SLC25A16: variants seen among roughly 807,000 people sequenced by gnomAD.
SLC25A16 encodes the protein solute carrier family 25 member 16, also known as mitochondrial coenzyme A transporter SLC25A16.
Under a neutral mutation model 41.5 loss-of-function variants are expected in SLC25A16, and 39 were observed. The ratio of observed to expected loss-of-function variants is 0.94; its 90% confidence interval spans 0.73 to 1.23. SLC25A16 has a LOEUF of 1.23. Among genes scored for constraint, SLC25A16 ranks in the 50% most tolerant of loss-of-function variants. The pLI is 0.00. For synonymous variants in SLC25A16, 146 were observed against 147.8 expected (o/e 0.99, Z 0.09); for missense variants, 421 against 426.9 (o/e 0.99, Z 0.12).
intron 2 of SLC25A16, 94 bp downstream of exon 2, chr10:68,516,656 AC>A: frequency 2.5e-6 from 2 of 784,528 alleles, no homozygotes. Flanking sequence ...AGGAACCTCT[AC>A]TTTACTTTTT....
Position 68,503,659 on chromosome 10 carries a change from G to A in SLC25A16, c.394C>T (p.His132Tyr), listed in dbSNP as rs776778829. 2 of 1,606,092 alleles carry A rather than the reference G, an allele frequency of 1.2e-6. No individual in the cohort carries two copies. The highest frequency in any genetic ancestry group is 2.2e-5 in the South Asian group (2 of 90,232). The change falls in exon 4 of 9, where the codon CAC becomes TAC. Residue 132 changes from histidine to tyrosine, a missense_variant. By Grantham distance (83) the His-to-Tyr change is moderately conservative. Transcript: ENST00000609923. ...TTKLGISGHV[H>Y]RLMAGSMAGM... ...GCCATGGATCCAGCCATTAATCTGT[G>A]CACATGACCTGAAATTCCCAGCTTC...
At chr10:68,489,236 T>C (rs2052617053) in intron 6 of SLC25A16, among the ~76,000 whole-genome samples, 1 of 152,118 alleles carries the variant, frequency 6.6e-6, no homozygotes, top group African/African-American at 2.4e-5. Context: ...GCCATTGCAC[T>C]CCAGCCTGGG....
chr10:68,508,884 C>T (rs1353310508), intron 2 of SLC25A16, among the ~76,000 whole-genome samples: 5 of 152,112 alleles, frequency 3.3e-5, no homozygotes, highest in East Asian at 3.9e-4. Context: ...GTAGAAGTAT[C>T]GAGGGGGTTT....
chr10:68,526,691 A>G (rs189585170), intron 1 of SLC25A16, among the ~76,000 whole-genome samples: 8 of 152,318 alleles, frequency 5.3e-5, no homozygotes, highest in Admixed American at 4.6e-4. Context: ...GGAAATTCCT[A>G]AGAGACAATA....
intron 1 of SLC25A16, among the ~76,000 whole-genome samples, chr10:68,525,752 G>A (rs1196882561): frequency 6.6e-6 from 1 of 152,260 alleles, no homozygotes; most frequent in East Asian, 1.9e-4. Context: ...ATTTTGTTCT[G>A]TACTAAGAAA....
At chr10:68,508,718 CA>C (rs201783612) in intron 2 of SLC25A16, among the ~76,000 whole-genome samples, 5 of 145,976 alleles carry the variant, frequency 3.4e-5, no homozygotes, top group Admixed American at 6.9e-5. Context: ...AACTCCATCT[CA>C]AAAAAAAAAG....
intron 8 of SLC25A16, among the ~76,000 whole-genome samples, chr10:68,486,888 C>T (rs1232145263): frequency 7.4e-6 from 1 of 134,336 alleles, no homozygotes. Flanking sequence ...ACCCAGGAGG[C>T]GGAGGTTACA....
chr10:68,493,012 C>G (rs1301082461), intron 6 of SLC25A16, 120 bp downstream of exon 6: 1 of 661,040 alleles, frequency 1.5e-6, no homozygotes, highest in African/African-American at 1.9e-5. Flanking sequence ...ATCCATAAAT[C>G]ATTTCTTATT....
In SLC25A16 at chr10:68,487,080, C is replaced by T. The variant is rs578117172; in HGVS notation, c.842+64G>A. On this transcript the variant is annotated intron_variant, in intron 8 of 8. Transcript: ENST00000609923. Reference sequence around the variant, plus strand: ...ACTATTGGTCAAACTAGAGTCCTATCTCCTTACTGAGTTTAATGTTACATT... The same window carrying T: ...ACTATTGGTCAAACTAGAGTCCTATTTCCTTACTGAGTTTAATGTTACATT... 7 of 1,237,096 alleles carry T rather than the reference C, an allele frequency of 5.7e-6. No homozygotes were observed. The South Asian group carries it at 8.5e-5, about 15-fold the overall frequency. The allele number at this position is 1,237,096 out of a possible 1,614,324, so 76.6% of individuals were successfully genotyped here.
chr10:68,488,042 G>A (rs569553918), intron 7 of SLC25A16, among the ~76,000 whole-genome samples: 2 of 152,158 alleles, frequency 1.3e-5, no homozygotes, highest in Admixed American at 1.3e-4. Context: ...TAGTAAAGAC[G>A]GGTTTTCACC....
chr10:68,520,963 G>A (rs533218590), intron 1 of SLC25A16, among the ~76,000 whole-genome samples: 5 of 149,478 alleles, frequency 3.3e-5, no homozygotes, highest in East Asian at 2.0e-4. Flanking sequence ...GTGAAACCCC[G>A]TCTCCACTAA....
At position 68,521,889 on chromosome 10, in the gene SLC25A16, G is replaced by A. The variant is rs1388131832; in HGVS notation, c.131-5046C>T. On this transcript the variant is annotated intron_variant, in intron 1 of 8. Transcript: ENST00000609923. ...TGGGATTACAGGCGTGAGCCACCGC[G>A]CCCGGCCATGCCTGTAATCTTAACA... 3.3e-5 allele frequency among the ~76,000 whole-genome samples: 5 copies of A among 151,180 alleles called. 1 individual carries two copies. Among genetic ancestry groups the A allele is most frequent in the African/African-American group, 1.2e-4 (5 of 41,424 alleles).
At chr10:68,501,250 CA>C (rs534962296) in intron 4 of SLC25A16, among the ~76,000 whole-genome samples, 21 of 142,506 alleles carry the variant, frequency 1.5e-4, no homozygotes, top group Admixed American at 2.8e-4. Flanking sequence ...GACTCCATCT[CA>C]AAAAAAAAAA....
At chr10:68,509,503 C>A (rs1479774345) in intron 2 of SLC25A16, among the ~76,000 whole-genome samples, 1 of 151,664 alleles carries the variant, frequency 6.6e-6, no homozygotes, top group Non-Finnish European at 1.5e-5. Flanking sequence ...TCGCTTGAGC[C>A]CAGGAATTTG....
chr10:68,505,599 C>A (rs928138409), intron 3 of SLC25A16, among the ~76,000 whole-genome samples: 14 of 151,992 alleles, frequency 9.2e-5, no homozygotes, highest in Admixed American at 8.5e-4. Flanking sequence ...ATGGTGAAAC[C>A]CCGCCTCTAC....
chr10:68,504,127 C>G (rs2052908441), intron 3 of SLC25A16, among the ~76,000 whole-genome samples: 1 of 146,592 alleles, frequency 6.8e-6, no homozygotes, highest in Admixed American at 7.0e-5. Flanking sequence ...AGCGATTCTC[C>G]TGCCTCGGCC....
In SLC25A16 at chr10:68,489,918, G is replaced by A. The variant is rs866482073; in HGVS notation, c.611-1289C>T. Among the ~76,000 whole-genome samples, 882 of 134,354 alleles carry A rather than the reference G, an allele frequency of 6.6e-3. 6 individuals carry two copies. Among genetic ancestry groups the A allele is most frequent in the Admixed American group, 0.011 (149 of 13,056 alleles). The allele number at this position is 134,354 out of a possible 152,430, so 88.1% of individuals were successfully genotyped here. A position where few individuals can be genotyped will look rare whatever the true frequency, so the allele number is the denominator to read the frequency against. ...CTGTCTCAAAAAAAAAAAAAAAAAA[G>A]GAAGAAAGATTCATAAGGGATTTCT... On this transcript the variant is annotated intron_variant, in intron 6 of 8. Transcript: ENST00000609923.
chr10:68,514,062 G>A (rs148924938), intron 2 of SLC25A16, among the ~76,000 whole-genome samples: 29 of 151,834 alleles, frequency 1.9e-4, no homozygotes, highest in African/African-American at 6.5e-4. Flanking sequence ...TCATGGTGGC[G>A]GATGCCTGTA....
chr10:68,500,153 A>G (rs2052816945), intron 4 of SLC25A16, among the ~76,000 whole-genome samples: 1 of 152,312 alleles, frequency 6.6e-6, no homozygotes, highest in African/African-American at 2.4e-5. Context: ...CATTAAAATG[A>G]TCATTAAAAA....
Sources: gnomAD v4.1 joint callset for allele counts (sites outside exome capture counted in the v4.1 genomes callset) on GRCh38, gnomAD v4.1.1 for gene constraint, MANE v1.5 for transcripts, NCBI Gene and HGNC (gene_info 2026-07-23, HGNC 2026-07-21) for gene names.